The following ZNF185 variants were observed in gnomAD, a reference collection of about 807,000 sequenced individuals.
ZNF185 encodes the protein zinc finger protein 185.
A neutral mutation model predicts 58.6 loss-of-function variants in ZNF185; 56 were observed. The observed-to-expected ratio is 0.95, with a 90% confidence interval of 0.77 to 1.19. The LOEUF (loss-of-function observed/expected upper bound fraction) is 1.19, where lower values mean the gene tolerates loss of function less well. Among genes scored for constraint, ZNF185 ranks in the 50% most tolerant of loss-of-function variants. The pLI, the probability that ZNF185 is intolerant of heterozygous loss-of-function variation, is 0.00. For synonymous variants in ZNF185, 230 were observed against 215.9 expected, an observed-to-expected ratio of 1.07 and a Z score of -0.57; for missense variants, 627 against 573.5, an observed-to-expected ratio of 1.09 and a Z score of -0.95.
chrX:152,933,048 T>C (rs2125523577), intron 14 of ZNF185, 77 bp downstream of exon 15: 1 of 703,986 alleles, frequency 1.4e-6, no homozygotes, highest in East Asian at 3.7e-5. Context: ...CTGCTTGGGC[T>C]GCTATGGGTG....
the ZNF185 span, among the ~76,000 whole-genome samples, chrX:152,900,251 C>G: frequency 2.1e-3 from 235 of 112,530 alleles, no homozygotes; most frequent in African/African-American, 7.0e-3. Flanking sequence ...GCACTTGTTC[C>G]CTGAACTGTC....
chrX:152,941,794 C>T (rs962328548), intron 15 of ZNF185: 6 of 1,163,040 alleles, frequency 5.2e-6, no homozygotes, highest in Non-Finnish European at 6.9e-6. Context: ...CCGAGGATCA[C>T]GAATGGGCCC....
chrX:152,916,754 T>C (rs1938569817), intron 3 of ZNF185, among the ~76,000 whole-genome samples: 1 of 112,628 alleles, frequency 8.9e-6, no homozygotes, highest in Non-Finnish European at 1.9e-5. Context: ...AGCCTCCAGC[T>C]TGCACTGGTT....
chrX:152,938,786 T>C (rs2046697957), intron 15 of ZNF185, among the ~76,000 whole-genome samples: 1 of 111,351 alleles, frequency 9.0e-6, no homozygotes, highest in Non-Finnish European at 1.9e-5. Context: ...GGAGCCTAGG[T>C]CTCTGTGCCT....
At chrX:152,917,943 CAA>C in intron 5 of ZNF185, 120 bp from the exon 7 acceptor site, 1 of 1,119,184 alleles carries the variant, frequency 8.9e-7, no homozygotes, top group Admixed American at 2.9e-5. Context: ...GGGCCAAAAG[CAA>C]AGAGGAAAGG....
chrX:152,911,922 T>TCCGTCCATCCCATC (rs1937458651), upstream of ZNF185, among the ~76,000 whole-genome samples: 2 of 70,579 alleles, frequency 2.8e-5, no homozygotes, highest in Non-Finnish European at 5.3e-5. Flanking sequence ...TCCCATCTGA[T>TCCGTCCATCCCATC]CCGTCCATCC....
At chrX:152,942,747 A>C (rs782400473) in intron 15 of ZNF185, among the ~76,000 whole-genome samples, 92 of 111,570 alleles carry the variant, frequency 8.2e-4, no homozygotes, top group African/African-American at 2.9e-3. Context: ...GATCAGGTGA[A>C]GTTTAGGCAC....
intron 18 of ZNF185, 118 bp downstream of exon 20, chrX:152,964,067 C>A: frequency 3.0e-6 from 2 of 677,122 alleles, no homozygotes; most frequent in Non-Finnish European, 4.6e-6. Context: ...CAGTTTCTAG[C>A]AGGCCATTAG....
chrX:152,941,621 T>C (rs1377836378), intron 15 of ZNF185: 3 of 1,129,196 alleles, frequency 2.7e-6, no homozygotes, highest in Non-Finnish European at 3.5e-6. Context: ...GCGCCCGTAG[T>C]GAGTACGCCT....
At chrX:152,946,866 T>C (rs1556895612) in intron 16 of ZNF185, among the ~76,000 whole-genome samples, 1 of 111,108 alleles carries the variant, frequency 9.0e-6, no homozygotes, top group East Asian at 2.9e-4. Context: ...GCTCCTAGGC[T>C]GAGGAGTGTG....
intron 5 of ZNF185, chrX:152,917,855 C>A: frequency 9.3e-7 from 1 of 1,077,211 alleles, no homozygotes; most frequent in East Asian, 3.4e-5. Context: ...AGGCAAGAGC[C>A]CGCTGGGCTG....
chrX:152,898,157 C>T, the ZNF185 span, among the ~76,000 whole-genome samples: 2,708 of 109,281 alleles, frequency 0.025, 91 homozygotes, highest in African/African-American at 0.083. Context: ...CCGGCCCGGC[C>T]GGGCGCCGTC....
the ZNF185 span, among the ~76,000 whole-genome samples, chrX:152,901,174 A>C: frequency 9.0e-6 from 1 of 111,649 alleles, no homozygotes; most frequent in Non-Finnish European, 1.9e-5. Context: ...ACTAAAGAAC[A>C]CTTAATTCTT....
intron 16 of ZNF185, among the ~76,000 whole-genome samples, chrX:152,953,772 T>G (rs912220138): frequency 2.9e-4 from 33 of 112,149 alleles, no homozygotes; most frequent in African/African-American, 1.1e-3. Context: ...AGACAGAGCC[T>G]TTCTCTGTCA....
the ZNF185 span, among the ~76,000 whole-genome samples, chrX:152,898,857 G>A: frequency 8.9e-6 from 1 of 112,516 alleles, no homozygotes; most frequent in Non-Finnish European, 1.9e-5. Context: ...GGCAGAGGGA[G>A]CCAAGAGTCT....
chrX:152,947,895 G>A (rs2047941405), intron 16 of ZNF185, among the ~76,000 whole-genome samples: 1 of 111,312 alleles, frequency 9.0e-6, no homozygotes, highest in Admixed American at 9.6e-5. Context: ...CTCTTCTTTT[G>A]TCTCAAAAAG....
chrX:152,904,719 A>G, the ZNF185 span, among the ~76,000 whole-genome samples: 1 of 111,340 alleles, frequency 9.0e-6, no homozygotes, highest in Non-Finnish European at 1.9e-5. Flanking sequence ...TGCACTTCCC[A>G]TGGCAGCCTC....
At chrX:152,952,663 G>C (rs1429294067) in intron 16 of ZNF185, among the ~76,000 whole-genome samples, 1 of 110,444 alleles carries the variant, frequency 9.1e-6, no homozygotes, top group Admixed American at 9.7e-5. Context: ...CATTGAAGGG[G>C]ACAGATGAAA....
intron 16 of ZNF185, among the ~76,000 whole-genome samples, chrX:152,956,642 G>T (rs377536652): frequency 1.8e-5 from 2 of 112,081 alleles, no homozygotes; most frequent in East Asian, 5.6e-4. Context: ...GGGAGGCTAA[G>T]ACTGGAGAAT....
Sources: allele counts gnomAD v4.1 joint callset (sites outside exome capture counted in the v4.1 genomes callset), GRCh38; gene constraint gnomAD v4.1.1; transcripts MANE v1.5; gene names NCBI Gene and HGNC (gene_info 2026-07-23, HGNC 2026-07-21).